The following TRPM1 variants were observed in gnomAD, a reference collection of about 807,000 sequenced individuals.
The protein encoded by TRPM1 is transient receptor potential cation channel subfamily M member 1, also known as TRPM1-203 APA Isoform, Intron 10.
TRPM1 carries 113 observed loss-of-function variants against 149.4 expected under a neutral mutation model. The observed-to-expected ratio is 0.76, with a 90% CI of 0.65 to 0.88. The LOEUF is 0.88. Among genes scored for constraint, TRPM1 ranks in the 40% least tolerant of loss-of-function variants. TRPM1 has a pLI of 0.00. For synonymous variants in TRPM1, 741 were observed against 759.5 expected (o/e 0.98, Z 0.40); for missense variants, 1,976 against 2,038.7 (o/e 0.97, Z 0.59).
intron 20 of TRPM1, among the ~76,000 whole-genome samples, chr15:31,036,889 C>A (rs1329420850): frequency 6.6e-6 from 1 of 152,166 alleles, no homozygotes; most frequent in African/African-American, 2.4e-5. Flanking sequence ...CCTCATTCAT[C>A]GCCCAGACCA....
chr15:31,091,367 A>G (rs1469406339), intron 1 of TRPM1, among the ~76,000 whole-genome samples: 1 of 152,260 alleles, frequency 6.6e-6, no homozygotes, highest in Non-Finnish European at 1.5e-5. Flanking sequence ...GTCACTATCC[A>G]TGTTAAATGG....
chr15:31,058,752 C>T (rs2034150194), intron 11 of TRPM1, among the ~76,000 whole-genome samples: 1 of 152,130 alleles, frequency 6.6e-6, no homozygotes, highest in South Asian at 2.1e-4. Context: ...TAGGTGGTTC[C>T]ACGTACTCTT....
chr15:31,035,836 A>G (rs2033343104), intron 20 of TRPM1, 162 bp from the exon 21 acceptor site: 1 of 1,001,288 alleles, frequency 1.0e-6, no homozygotes. Flanking sequence ...CAGTGCAGAC[A>G]GAAGACCTGG....
intron 1 of TRPM1, among the ~76,000 whole-genome samples, chr15:31,144,034 C>A (rs1165996717): frequency 2.0e-5 from 3 of 152,134 alleles, no homozygotes; most frequent in African/African-American, 7.2e-5. Flanking sequence ...GAGTTCCGAG[C>A]CTTACAGTGA....
chr15:31,120,909 G>A (rs531398957), intron 1 of TRPM1, among the ~76,000 whole-genome samples: 1 of 152,280 alleles, frequency 6.6e-6, no homozygotes, highest in African/African-American at 2.4e-5. Context: ...AGAGAAATTT[G>A]TAGTATTGAA....
chr15:31,063,019 C>T, intron 8 of TRPM1, 99 bp downstream of exon 8: 1 of 1,494,168 alleles, frequency 6.7e-7, no homozygotes, highest in Non-Finnish European at 9.2e-7. Flanking sequence ...CTGATTTAAA[C>T]ACGTTTGGAA....
intron 7 of TRPM1, among the ~76,000 whole-genome samples, chr15:31,064,313 T>C (rs1333076862): frequency 1.3e-5 from 2 of 152,198 alleles, no homozygotes; most frequent in African/African-American, 4.8e-5. Context: ...GGCCCATCAG[T>C]TAATGACCTG....
Position 31,041,992 on chromosome 15 carries a change from A to T in TRPM1, c.2046T>A (p.Asp682Glu). 6.2e-7 allele frequency: 1 copy of T among 1,614,114 alleles called. No individual in the cohort carries two copies. Among genetic ancestry groups the T allele is most frequent in the Non-Finnish European group, 8.5e-7 (1 of 1,180,004 alleles). The change falls in exon 17 of 28, where the codon GAT (aspartate) becomes GAA (glutamate). Residue 682 changes from aspartate to glutamate, a missense_variant. Asp to Glu is a conservative substitution (Grantham distance 45, BLOSUM62 2). Coordinates refer to ENST00000256552, the MANE Select transcript of TRPM1 (RefSeq NM_001252024.2). ...KAMAHESSESDLVDDISQDLD... is the reference protein window; with the variant it reads ...KAMAHESSESELVDDISQDLD... ...AGTCCTGGGAGATGTCATCCACCAG[A>T]TCACTCTCGGAGGACTCGTGGGCCA...
intron 21 of TRPM1, among the ~76,000 whole-genome samples, chr15:31,034,924 G>A (rs59026378): frequency 0.012 from 1,838 of 152,324 alleles, 34 homozygotes; most frequent in African/African-American, 0.042. Flanking sequence ...CATTCAAGAT[G>A]TATACATCTT....
chr15:31,127,046 G>T (rs1567070379), intron 1 of TRPM1, among the ~76,000 whole-genome samples: 3 of 152,154 alleles, frequency 2.0e-5, no homozygotes, highest in African/African-American at 7.2e-5. Flanking sequence ...TAATGGAAAG[G>T]GTGCTAGTAT....
chr15:31,154,860 G>A (rs747934564), intron 1 of TRPM1, among the ~76,000 whole-genome samples: 40 of 151,618 alleles, frequency 2.6e-4, no homozygotes, highest in Admixed American at 1.1e-3. Flanking sequence ...ACTGAAAACA[G>A]GATGACAGGT....
At chr15:31,085,625 G>A (rs1335472015) in intron 1 of TRPM1, among the ~76,000 whole-genome samples, 1 of 152,140 alleles carries the variant, frequency 6.6e-6, no homozygotes, top group African/African-American at 2.4e-5. Context: ...CAGATACCAG[G>A]AACGCTTGTC....
chr15:31,085,846 C>A (rs756097350), intron 1 of TRPM1, among the ~76,000 whole-genome samples: 1 of 152,176 alleles, frequency 6.6e-6, no homozygotes, highest in Non-Finnish European at 1.5e-5. Context: ...GCTTTTGAAT[C>A]TTTTGATATT....
In TRPM1 at chr15:31,100,962, T is replaced by C. The variant is rs189658014; in HGVS notation, c.-84+695A>G. On this transcript the variant is annotated intron_variant, in intron 1 of 27. Coordinates refer to ENST00000256552, the MANE Select transcript of TRPM1 (RefSeq NM_001252024.2). ...GGACTTGCAGGGCTTTGCTGCATGT[T>C]GTTGAACTGCCTTCCAGAAACCAGT... Among the ~76,000 whole-genome samples the C allele has an allele frequency of 2.6e-5, 4 of 152,320 alleles. No homozygotes were observed. In the East Asian group the frequency reaches 7.7e-4, roughly 29 times the overall value.
At chr15:31,108,000 G>A (rs1221026415) in intron 1 of TRPM1, among the ~76,000 whole-genome samples, 1 of 151,912 alleles carries the variant, frequency 6.6e-6, no homozygotes, top group Non-Finnish European at 1.5e-5. Context: ...TGGGATTATA[G>A]GTGTGTGACC....
At position 31,088,356 on chromosome 15, in the gene TRPM1, C is replaced by A. The variant is rs181983715; in HGVS notation, c.-83-6918G>T. Among the ~76,000 whole-genome samples the A allele has an allele frequency of 5.2e-4, 79 of 152,314 alleles. No individual in the cohort carries two copies. In the East Asian group the frequency reaches 7.2e-3, roughly 14 times the overall value. Reference sequence around the variant, plus strand: ...CCTTATTGGTTGTGGAAGCTTTCTTCTTTTTGTTCTTTCTCCCTTGGCAAT... The same window carrying A: ...CCTTATTGGTTGTGGAAGCTTTCTTATTTTTGTTCTTTCTCCCTTGGCAAT... On this transcript the variant is annotated intron_variant, in intron 1 of 27. Transcript: ENST00000256552.
At position 31,061,685 on chromosome 15, in the gene TRPM1, CT is replaced by C. The variant is rs1200881732; in HGVS notation, c.1090-172del. On this transcript the variant is annotated intron_variant, in intron 9 of 27. Transcript: ENST00000256552. ...TTTTTTTCTTTTCTTTTTCTTTTTT[CT>C]TTTTGTTTTTTTTTTGAGATGGAGT... Among the ~76,000 whole-genome samples, 10 of 150,124 alleles carry C rather than the reference CT, an allele frequency of 6.7e-5. 2 individuals are homozygous for C. The highest frequency in any genetic ancestry group is 2.5e-4 in the African/African-American group (10 of 40,604).
intron 1 of TRPM1, among the ~76,000 whole-genome samples, chr15:31,097,325 C>T (rs1295593764): frequency 7.0e-6 from 1 of 142,526 alleles, no homozygotes; most frequent in African/African-American, 2.6e-5. Flanking sequence ...TGGAGGGTAT[C>T]CAGCCCAACT....
intron 24 of TRPM1, among the ~76,000 whole-genome samples, chr15:31,029,042 T>C (rs2032933111): frequency 6.6e-6 from 1 of 152,170 alleles, no homozygotes; most frequent in African/African-American, 2.4e-5. Flanking sequence ...ATTTTTGTTA[T>C]GTTGTATGGG....
Sources: allele counts gnomAD v4.1 joint callset (sites outside exome capture counted in the v4.1 genomes callset), GRCh38; gene constraint gnomAD v4.1.1; transcripts MANE v1.5; gene names NCBI Gene and HGNC (gene_info 2026-07-23, HGNC 2026-07-21).